The following HOXA5 variants were observed in gnomAD, a reference collection of about 807,000 sequenced individuals.
HOXA5 encodes the protein homeobox A5.
HOXA5 carries 12 observed loss-of-function variants against 20.0 expected under a neutral mutation model. That is an observed-to-expected ratio of 0.60 (90% CI 0.38 to 0.97). HOXA5 has a LOEUF of 0.97. Among genes scored for constraint, HOXA5 ranks in the 50% least tolerant of loss-of-function variants. HOXA5 has a pLI of 0.00. For missense variants in HOXA5, 352 were observed against 380.3 expected (o/e 0.93, Z 0.62); for synonymous variants, 159 against 157.7 (o/e 1.01, Z -0.06).
Position 27,141,677 on chromosome 7 carries a change from T to C in HOXA5, c.*158A>G. 3.6e-6 allele frequency: 3 copies of C among 843,236 alleles called. No individual in the cohort carries two copies. Among genetic ancestry groups the C allele is most frequent in the Non-Finnish European group, 5.5e-6 (3 of 546,294 alleles). 52.2% of individuals were successfully genotyped at this position (843,236 alleles called of 1,614,324 possible). ...AGCAGATCTACTTATACAGGCGCTA[T>C]AATGGCAATAAACAGGCTCATGATT... On this transcript the variant is annotated 3_prime_UTR_variant, in exon 2 of 2. Transcript: ENST00000222726.
chr7:27,141,608 T>G lies in HOXA5; in HGVS notation c.*227A>C, dbSNP rs1451941818. 1 of 431,390 alleles carries G rather than the reference T, an allele frequency of 2.3e-6. No individual in the cohort carries two copies. The highest frequency in any genetic ancestry group is 4.0e-6 in the Non-Finnish European group (1 of 247,712). 26.7% of individuals were successfully genotyped at this position (431,390 alleles called of 1,614,324 possible). On this transcript the variant is annotated 3_prime_UTR_variant, in exon 2 of 2. Transcript: ENST00000222726. Reference sequence around the variant, plus strand: ...CATATAAATAAGTTAAAACATCTATTTTTTTTCAAGACAAAGCCATTCAGG... The same window carrying G: ...CATATAAATAAGTTAAAACATCTATGTTTTTTCAAGACAAAGCCATTCAGG...
rs771987984 is a variant in HOXA5 at position 27,143,226 on chromosome 7, C to T, written c.382G>A (p.Ala128Thr). The change falls in exon 1 of 2, where the codon GCC (alanine) becomes ACC (threonine). Residue 128 changes from alanine to threonine, a missense_variant. Transcript: ENST00000222726. The part of the protein sequence containing the change: ...GKNSLSNSSG[A>T]SADAGSTHIS... ...TGGGTGCTGCCGGCGTCGGCCGAGGCGCCGCTGGAGTTGCTTAGGGAGTTT... is the reference window on the plus strand; with the variant it reads ...TGGGTGCTGCCGGCGTCGGCCGAGGTGCCGCTGGAGTTGCTTAGGGAGTTT... 1 of 1,609,940 alleles carries T rather than the reference C, an allele frequency of 6.2e-7. No homozygotes were observed. Among genetic ancestry groups the T allele is most frequent in the Non-Finnish European group, 8.5e-7 (1 of 1,178,918 alleles).
chr7:27,141,642 A>G lies in HOXA5; in HGVS notation c.*193T>C, dbSNP rs1260603735. The G allele has an allele frequency of 2.7e-5, 16 of 592,686 alleles. No homozygotes were observed. Among genetic ancestry groups the G allele is most frequent in the Non-Finnish European group, 1.1e-5 (4 of 356,538 alleles). The allele number at this position is 592,686 out of a possible 1,614,324, so 36.7% of individuals were successfully genotyped here. ...AGACAAAGCCATTCAGGACAAAGAGATGAACAGAAAGCAGATCTACTTATA... is the reference window on the plus strand; with the variant it reads ...AGACAAAGCCATTCAGGACAAAGAGGTGAACAGAAAGCAGATCTACTTATA... On this transcript the variant is annotated 3_prime_UTR_variant, in exon 2 of 2. Coordinates refer to ENST00000222726, the MANE Select transcript of HOXA5 (RefSeq NM_019102.4).
chr7:27,142,178 CG>C, intron 1 of HOXA5, 93 bp from the exon 2 acceptor site: 1 of 1,418,830 alleles, frequency 7.0e-7, no homozygotes, highest in East Asian at 2.4e-5. Flanking sequence ...GGAACCCAGG[CG>C]AAAAGCTCAA....
chr7:27,141,706 A>G lies in HOXA5; in HGVS notation c.*129T>C. The G allele has an allele frequency of 8.5e-7, 1 of 1,175,166 alleles. No individual in the cohort carries two copies. The allele number at this position is 1,175,166 out of a possible 1,614,324, so 72.8% of individuals were successfully genotyped here. ...GGCAATAAACAGGCTCATGATTAAAAGATGAATTAGGGCAACGAGAACAGG... is the reference window on the plus strand; with the variant it reads ...GGCAATAAACAGGCTCATGATTAAAGGATGAATTAGGGCAACGAGAACAGG... On this transcript the variant is annotated 3_prime_UTR_variant, in exon 2 of 2. Transcript: ENST00000222726.
In HOXA5 at chr7:27,143,335, C is replaced by T. The variant is rs746769658; in HGVS notation, c.273G>A (p.Thr91=). ...GATCGGGCTGAGGAGAGTGCGTGGA[C>T]GTGGCCGGCTGGCTGTACCTGGGCT... The part of the protein sequence containing the change: ...PAEPRYSQPA[T]STHSPQPDPL... Residue 91 remains threonine, a synonymous_variant, in exon 1 of 2, where the codon ACG becomes ACA. Transcript: ENST00000222726. The T allele has an allele frequency of 1.9e-6, 3 of 1,594,906 alleles. No homozygotes were observed. The highest frequency in any genetic ancestry group is 2.2e-5 in the South Asian group (2 of 89,964).
chr7:27,142,958 G>A, intron 1 of HOXA5, 88 bp downstream of exon 1: 2 of 1,233,442 alleles, frequency 1.6e-6, no homozygotes, highest in East Asian at 5.1e-5. Flanking sequence ...GAGACCAAGA[G>A]AGACTGGGAG....
In HOXA5 at chr7:27,143,511, G is replaced by C. The variant is rs1158832073; in HGVS notation, c.97C>G (p.Gln33Glu). Residue 33 changes from glutamine to glutamate, a missense_variant, in exon 1 of 2, where the codon CAA becomes GAA. Physicochemically the swap from Gln to Glu is conservative, Grantham distance 29. Around this residue, in one of 3 missense-constraint regions of HOXA5, gnomAD observed 319 missense variants for 336.5 expected, o/e 0.95. Transcript: ENST00000222726. ...NYGDHSSVSE[Q>E]FRDSASMHSG... ...TGCATGCTCGCCGAGTCCCTGAATTGCTCGCTCACGGAACTATGATCTCCA... is the reference window on the plus strand; with the variant it reads ...TGCATGCTCGCCGAGTCCCTGAATTCCTCGCTCACGGAACTATGATCTCCA... The C allele has an allele frequency of 6.2e-7, 1 of 1,613,790 alleles. No homozygotes were observed. Among genetic ancestry groups the C allele is most frequent in the Non-Finnish European group, 8.5e-7 (1 of 1,179,902 alleles).
chr7:27,143,129 G>GCCTGCTCGCTGCTGGCAGGGGCGT lies in HOXA5; in HGVS notation c.455_478dup (p.Asp152_Gln159dup), dbSNP rs930510004. ...CGGGCTCGGCTCGCTCTGCGCACTCGCCTGCTCGCTGCTGGCAGGGGCGTC... is the reference window on the plus strand; with the variant it reads ...CGGGCTCGGCTCGCTCTGCGCACTCGCCTGCTCGCTGCTGGCAGGGGCGTCCTGCTCGCTGCTGGCAGGGGCGTC... On this transcript the variant is annotated inframe_insertion, in exon 1 of 2. Transcript: ENST00000222726. The GCCTGCTCGCTGCTGGCAGGGGCGT allele has an allele frequency of 3.8e-5, 61 of 1,606,902 alleles. No individual in the cohort carries two copies. Among genetic ancestry groups the GCCTGCTCGCTGCTGGCAGGGGCGT allele is most frequent in the Non-Finnish European group, 5.0e-5 (59 of 1,177,748 alleles).
chr7:27,142,118 A>G, intron 1 of HOXA5, 33 bp from the exon 2 acceptor site: 1 of 1,598,742 alleles, frequency 6.3e-7, no homozygotes. Context: ...TTAGCCACCA[A>G]CTCCTGTCTT....
At position 27,143,074 on chromosome 7, in the gene HOXA5, G is replaced by A. The variant is rs750405781; in HGVS notation, c.534C>T (p.Pro178=). 6.5e-7 allele frequency: 1 copy of A among 1,545,548 alleles called. No homozygotes were observed. Among genetic ancestry groups the A allele is most frequent in the African/African-American group, 1.4e-5 (1 of 70,782 alleles). The stretch of plus-strand genomic sequence containing the variant: ...GACTTATGTGCAGCTTGCGCATCCA[G>A]GGGTAGATCTGGGGTTGGGCGGGCG... ...PAPPAQPQIY[P]WMRKLHISHD... The change falls in exon 1 of 2, where the codon CCC becomes CCT. Residue 178 remains proline, a synonymous_variant. Transcript: ENST00000222726.
intron 1 of HOXA5, 121 bp from the exon 2 acceptor site, chr7:27,142,206 G>T: frequency 9.9e-7 from 1 of 1,008,432 alleles, no homozygotes; most frequent in Non-Finnish European, 1.4e-6. Context: ...CTGCCTACCA[G>T]CCCGCACACC....
At chr7:27,142,805 C>T in intron 1 of HOXA5, 1 of 456,576 alleles carries the variant, frequency 2.2e-6, no homozygotes, top group Admixed American at 4.2e-5. Flanking sequence ...TTTGCTTCCT[C>T]CCCCTTCCAA....
rs1782584635 is a variant in HOXA5, at chr7:27,141,927, T to C, written c.721A>G (p.Ile241Val). The change falls in exon 2 of 2, where the codon ATC becomes GTC. Residue 241 changes from isoleucine to valine, a missense_variant. Around this residue, in one of 3 missense-constraint regions of HOXA5, gnomAD observed 3 missense variants for 17.7 expected, o/e 0.17. Coordinates refer to ENST00000222726, the MANE Select transcript of HOXA5 (RefSeq NM_019102.4). ...ALCLSERQIK[I>V]WFQNRRMKWK... Reference sequence around the variant, plus strand: ...TTCATTCTCCGGTTTTGGAACCAGATTTTAATTTGTCTCTCGGAGAGGCAA... The same window carrying C: ...TTCATTCTCCGGTTTTGGAACCAGACTTTAATTTGTCTCTCGGAGAGGCAA... 3.1e-6 allele frequency: 5 copies of C among 1,614,134 alleles called. No homozygotes were observed. The highest frequency in any genetic ancestry group is 4.2e-6 in the Non-Finnish European group (5 of 1,180,050).
In HOXA5 at chr7:27,143,292, C is replaced by T. The variant is rs1782640026; in HGVS notation, c.316G>A (p.Val106Met). 1.2e-6 allele frequency: 2 copies of T among 1,602,848 alleles called. No individual in the cohort carries two copies. Among genetic ancestry groups the T allele is most frequent in the African/African-American group, 1.3e-5 (1 of 74,684 alleles). ...CTGTCGCTGCCGGGCGAGGGGGCCA[C>T]GGCGGAGCAGGGCAGCGGATCGGGC... ...PQPDPLPCSAVAPSPGSDSHH... is the reference protein window; with the variant it reads ...PQPDPLPCSAMAPSPGSDSHH... The change falls in exon 1 of 2, where the codon GTG (valine) becomes ATG (methionine). Residue 106 changes from valine to methionine, a missense_variant. Physicochemically the swap from Val to Met is conservative, Grantham distance 21. Coordinates refer to ENST00000222726, the MANE Select transcript of HOXA5 (RefSeq NM_019102.4).
In HOXA5 at chr7:27,141,800, G is replaced by A. The variant is rs200683571; in HGVS notation, c.*35C>T. On this transcript the variant is annotated 3_prime_UTR_variant, in exon 2 of 2. Coordinates refer to ENST00000222726, the MANE Select transcript of HOXA5 (RefSeq NM_019102.4). The stretch of plus-strand genomic sequence containing the variant: ...TTAGTACTGACACTACGCGGGATCC[G>A]CTAATACTGCTCAGTACTTTAAACG... 510 of 1,607,832 alleles carry A rather than the reference G, an allele frequency of 3.2e-4. 4 individuals carry two copies. Among genetic ancestry groups the A allele is most frequent in the Non-Finnish European group, 6.0e-5 (71 of 1,177,278 alleles).
Position 27,143,152 on chromosome 7 carries a change from G to A in HOXA5, c.456C>T (p.Asp152=), listed in dbSNP as rs765793664. ...TCGCCTGCTCGCTGCTGGCAGGGGC[G>A]TCCTCCTCGGCTCCGGACGCCGTGC... is the stretch of plus-strand genomic sequence containing the variant. ...GVGTASGAEE[D]APASSEQASA... The change falls in exon 1 of 2, where the codon GAC becomes GAT. Residue 152 remains aspartate (D), a synonymous_variant. Transcript: ENST00000222726. 1.0e-4 allele frequency: 168 copies of A among 1,609,432 alleles called. No homozygotes were observed. Among genetic ancestry groups the A allele is most frequent in the African/African-American group, 1.5e-4 (11 of 74,524 alleles).
chr7:27,143,397 G>T lies in HOXA5; in HGVS notation c.211C>A (p.Arg71Ser). The T allele has an allele frequency of 6.2e-7, 1 of 1,606,974 alleles. No individual in the cohort carries two copies. Among genetic ancestry groups the T allele is most frequent in the Non-Finnish European group, 8.5e-7 (1 of 1,178,098 alleles). ...SGHFGSGERA[R>S]SYAASASAAP... ...GCGCTGGCGCTGGCAGCGTAGCTGC[G>T]GGCGCGCTCTCCGGAGCCAAAGTGG... Residue 71 changes from arginine to serine, a missense_variant, in exon 1 of 2, where the codon CGC becomes AGC. Arg to Ser is a moderately radical substitution (Grantham distance 110, BLOSUM62 -1). Transcript: ENST00000222726.
rs1027345422 is a variant in HOXA5 at position 27,143,035 on chromosome 7, G to A, written c.562+11C>T. 1 of 1,500,818 alleles carries A rather than the reference G, an allele frequency of 6.7e-7. No homozygotes were observed. 93.0% of individuals were successfully genotyped at this position (1,500,818 alleles called of 1,614,324 possible). A position where few individuals can be genotyped will look rare whatever the true frequency, so the allele number is the denominator to read the frequency against. On this transcript the variant is annotated intron_variant, in intron 1 of 1. Coordinates refer to ENST00000222726, the MANE Select transcript of HOXA5 (RefSeq NM_019102.4). The stretch of plus-strand genomic sequence containing the variant: ...CGCGGTCGCGTGGATTTAGAAAAAG[G>A]CTGGCTTTACCATGACTTATGTGCA...
Sources: allele counts gnomAD v4.1 joint callset, GRCh38; gene constraint gnomAD v4.1.1; regional missense constraint gnomAD v4.1.1; transcripts MANE v1.5; gene names NCBI Gene and HGNC (gene_info 2026-07-23, HGNC 2026-07-21).